Variants in TRRAP observed in about 807,000 individuals in gnomAD.
TRRAP encodes transformation/transcription domain-associated protein.
Under a neutral mutation model 438.8 loss-of-function variants are expected in TRRAP, and 41 were observed. The ratio of observed to expected loss-of-function variants is 0.09; its 90% CI spans 0.07 to 0.12. The LOEUF (loss-of-function observed/expected upper bound fraction) is 0.12, where lower values mean the gene tolerates loss of function less well. Among genes scored for constraint, TRRAP ranks in the 10% least tolerant of loss-of-function variants. The pLI, the probability that TRRAP is intolerant of heterozygous loss-of-function variation, is 1.00. For synonymous variants in TRRAP, 1,994 were observed against 1,962.9 expected (o/e 1.02, Z -0.42); for missense variants, 3,122 against 5,055.1 (o/e 0.62, Z 11.60).
chr7:99,005,494 C>T lies in TRRAP; in HGVS notation c.10753+146C>T. 1.4e-6 allele frequency: 1 copy of T among 734,772 alleles called. No individual in the cohort carries two copies. Among genetic ancestry groups the T allele is most frequent in the Non-Finnish European group, 2.2e-6 (1 of 446,932 alleles). The allele number at this position is 734,772 out of a possible 1,614,324, so 45.5% of individuals were successfully genotyped here. A position where few individuals can be genotyped will look rare whatever the true frequency, so the allele number is the denominator to read the frequency against. On this transcript the variant is annotated intron_variant, in intron 69 of 72. Transcript: ENST00000456197. This position sits in a 1 kb window ranked among gnomAD's most constrained non-coding sequence, Gnocchi z 5.1. ...CAGAGAATGTTGTAGTCTGTGCTGA[C>T]CAGGGAAGGCCTCAGGAAGAGGAGC...
chr7:98,960,759 TTGTGTGTGTGTGTG>T (rs35384186), intron 45 of TRRAP, among the ~76,000 whole-genome samples: 3 of 144,834 alleles, frequency 2.1e-5, no homozygotes, highest in African/African-American at 5.1e-5. Context: ...GCCTGGCTTT[TTGTGTGTGTGTGTG>T]TGTGTGTGTG....
At chr7:98,926,659 C>A (rs1364594043) in intron 22 of TRRAP, among the ~76,000 whole-genome samples, 1 of 151,616 alleles carries the variant, frequency 6.6e-6, no homozygotes, top group Admixed American at 6.6e-5. Context: ...GAAAAAGAGC[C>A]AAGAAAATGA....
intron 7 of TRRAP, 149 bp from the exon 8 acceptor site, chr7:98,897,592 G>C: frequency 2.0e-6 from 2 of 1,021,916 alleles, no homozygotes; most frequent in Non-Finnish European, 2.8e-6. Flanking sequence ...CCTAAATACT[G>C]TGGAGTTGGT....
At position 98,881,073 on chromosome 7, in the gene TRRAP, T is replaced by TA; in HGVS notation, c.-61-16dup. ...GTGCCCTCCATAAATTGACTAACTC[T>TA]ATGCTTCTTTTCATAGGCTGGTTGA... On this transcript the variant is annotated splice_polypyrimidine_tract_variant and intron_variant, in intron 1 of 72. Coordinates refer to ENST00000456197, the MANE Select transcript of TRRAP (RefSeq NM_001375524.1). 1 of 1,274,938 alleles carries TA rather than the reference T, an allele frequency of 7.8e-7. No individual in the cohort carries two copies. Among genetic ancestry groups the TA allele is most frequent in the Non-Finnish European group, 1.1e-6 (1 of 914,614 alleles). 79.0% of individuals were successfully genotyped at this position (1,274,938 alleles called of 1,614,324 possible).
At chr7:98,892,011 C>T (rs1306001657) in intron 4 of TRRAP, among the ~76,000 whole-genome samples, 1 of 152,078 alleles carries the variant, frequency 6.6e-6, no homozygotes, top group South Asian at 2.1e-4. Flanking sequence ...TATAACTAGT[C>T]CTTGGGCCCA....
intron 18 of TRRAP, among the ~76,000 whole-genome samples, chr7:98,912,436 CTCTT>C (rs1264312307): frequency 6.6e-6 from 1 of 151,166 alleles, no homozygotes; most frequent in Non-Finnish European, 1.5e-5. Context: ...ACTATAGTGA[CTCTT>C]TATATTTATA....
At chr7:99,002,168 C>G (rs1361349037) in intron 67 of TRRAP, among the ~76,000 whole-genome samples, 3 of 151,976 alleles carry the variant, frequency 2.0e-5, no homozygotes. Flanking sequence ...GAAGGGCAGC[C>G]AAGGGCATCC....
chr7:99,011,611 G>C lies in TRRAP; in HGVS notation c.11337+76G>C. 1 of 1,519,850 alleles carries C rather than the reference G, an allele frequency of 6.6e-7. No individual in the cohort carries two copies. The highest frequency in any genetic ancestry group is 8.9e-7 in the Non-Finnish European group (1 of 1,127,140). 94.1% of individuals were successfully genotyped at this position (1,519,850 alleles called of 1,614,324 possible). A position where few individuals can be genotyped will look rare whatever the true frequency, so the allele number is the denominator to read the frequency against. On this transcript the variant is annotated intron_variant, in intron 72 of 72. Coordinates refer to ENST00000456197, the MANE Select transcript of TRRAP (RefSeq NM_001375524.1). The surrounding 1 kb of genome is among the most constrained non-coding windows in gnomAD (Gnocchi z 7.1). ...GCCCGCGCGTCACGGCCTTGCAGGA[G>C]CTGCTGATGTGCCTCACGGGCTCTG...
At chr7:98,989,687 C>T (rs1376694660) in intron 63 of TRRAP, among the ~76,000 whole-genome samples, 3 of 152,228 alleles carry the variant, frequency 2.0e-5, no homozygotes, top group Non-Finnish European at 4.4e-5. Context: ...TGCCTGGCTC[C>T]GGGTTGCTTA....
intron 67 of TRRAP, among the ~76,000 whole-genome samples, chr7:99,002,807 G>T (rs1230532383): frequency 6.6e-6 from 1 of 152,222 alleles, no homozygotes; most frequent in Non-Finnish European, 1.5e-5. Context: ...ACATGGTCAG[G>T]AATAGGCCAC....
At chr7:99,007,918 C>T (rs1214959357) in intron 69 of TRRAP, among the ~76,000 whole-genome samples, 1 of 151,346 alleles carries the variant, frequency 6.6e-6, no homozygotes, top group Non-Finnish European at 1.5e-5. Flanking sequence ...CTCTGACTCC[C>T]TGGTTCAGGT....
intron 28 of TRRAP, 146 bp from the exon 29 acceptor site, chr7:98,937,010 T>TGG (rs1790586637): frequency 9.5e-7 from 1 of 1,055,012 alleles, no homozygotes; most frequent in Non-Finnish European, 1.2e-6. Flanking sequence ...GGAGAATCCC[T>TGG]TGAGGCCAGG....
Position 99,012,217 on chromosome 7 carries a change from C to T in TRRAP, c.11484C>T (p.Ala3828=), listed in dbSNP as rs745998903. 43 of 1,614,000 alleles carry T rather than the reference C, an allele frequency of 2.7e-5. No individual in the cohort carries two copies. Among genetic ancestry groups the T allele is most frequent in the African/African-American group, 2.3e-4 (17 of 74,938 alleles). Residue 3828 remains alanine, a synonymous_variant, in exon 73 of 73, where the codon GCC becomes GCT. Transcript: ENST00000456197. This position sits in a 1 kb window ranked among gnomAD's most constrained non-coding sequence, Gnocchi z 5.9. ...AACTGGTGTCCCTGGTTCAGAAAGC[C>T]GTCACCGCCATCATGACCCGCCTGC... is the stretch of plus-strand genomic sequence containing the variant. ...SQQLVSLVQK[A]VTAIMTRLHN...
chr7:98,996,793 T>C (rs1793679175), intron 67 of TRRAP, among the ~76,000 whole-genome samples: 1 of 152,210 alleles, frequency 6.6e-6, no homozygotes, highest in Non-Finnish European at 1.5e-5. Flanking sequence ...CTCTTAATAA[T>C]ATGTTATATG....
intron 12 of TRRAP, among the ~76,000 whole-genome samples, chr7:98,904,048 G>T (rs1796598141): frequency 6.6e-6 from 1 of 152,088 alleles, no homozygotes; most frequent in South Asian, 2.1e-4. Flanking sequence ...GACCTCAAGT[G>T]ATGTGCCTGC....
chr7:98,940,878 G>T (rs1303474475), intron 30 of TRRAP, among the ~76,000 whole-genome samples: 1 of 152,180 alleles, frequency 6.6e-6, no homozygotes, highest in East Asian at 1.9e-4. Context: ...GTCACTGCTG[G>T]AGCTCTTGTT....
chr7:98,959,128 G>A (rs953320691), intron 44 of TRRAP, among the ~76,000 whole-genome samples: 3 of 152,074 alleles, frequency 2.0e-5, no homozygotes, highest in African/African-American at 4.8e-5. Context: ...AGGTCACCAC[G>A]GATGCGCTGC....
intron 16 of TRRAP, 105 bp downstream of exon 16, chr7:98,910,712 TC>T: frequency 1.1e-6 from 1 of 934,106 alleles, no homozygotes. Context: ...ATTTGGATGG[TC>T]CACAGTATTT....
chr7:98,986,721 AT>A (rs1176111105), intron 62 of TRRAP, among the ~76,000 whole-genome samples: 1 of 152,056 alleles, frequency 6.6e-6, no homozygotes, highest in Non-Finnish European at 1.5e-5. Flanking sequence ...CAATTCATGT[AT>A]TTTTTTCTTT....
Sources: gnomAD v4.1 joint callset for allele counts (sites outside exome capture counted in the v4.1 genomes callset) on GRCh38, gnomAD v4.1.1 for gene constraint, Gnocchi (gnomAD v3.1) non-coding constraint, MANE v1.5 for transcripts, NCBI Gene and HGNC (gene_info 2026-07-23, HGNC 2026-07-21) for gene names.